The following VDAC1 variants were observed in gnomAD, a reference collection of about 807,000 sequenced individuals.
The protein encoded by VDAC1 is non-selective voltage-gated ion channel VDAC1.
In VDAC1, 10 loss-of-function variants were observed where a neutral mutation model predicts 34.7. The ratio of observed to expected loss-of-function variants is 0.29; its 90% CI spans 0.18 to 0.49. The LOEUF (loss-of-function observed/expected upper bound fraction) is 0.49. Among genes scored for constraint, VDAC1 ranks in the 20% least tolerant of loss-of-function variants. The pLI is 0.99. For synonymous variants in VDAC1, 130 were observed against 136.0 expected, an observed-to-expected ratio of 0.96 and a Z score of 0.30; for missense variants, 230 against 347.9, an observed-to-expected ratio of 0.66 and a Z score of 2.69.
the VDAC1 span, among the ~76,000 whole-genome samples, chr5:134,083,253 A>C: frequency 6.7e-6 from 1 of 149,832 alleles, no homozygotes; most frequent in African/African-American, 2.5e-5. Flanking sequence ...CAGTGGCACA[A>C]TCTCAGCTCA....
the VDAC1 span, among the ~76,000 whole-genome samples, chr5:134,054,607 C>T: frequency 6.6e-6 from 1 of 151,926 alleles, no homozygotes; most frequent in Non-Finnish European, 1.5e-5. Context: ...TTACAGGCGC[C>T]CATCGTCATG....
At chr5:134,101,376 G>A in the VDAC1 span, among the ~76,000 whole-genome samples, 1 of 152,086 alleles carries the variant, frequency 6.6e-6, no homozygotes, top group Admixed American at 6.5e-5. Flanking sequence ...GATCACCCGA[G>A]GTCAGTAGTT....
the VDAC1 span, among the ~76,000 whole-genome samples, chr5:134,016,683 G>C: frequency 6.6e-6 from 1 of 152,192 alleles, no homozygotes; most frequent in Non-Finnish European, 1.5e-5. Context: ...TGCAAGGACA[G>C]GGAGCATGAA....
the VDAC1 span, among the ~76,000 whole-genome samples, chr5:134,093,671 C>A: frequency 6.6e-6 from 1 of 152,190 alleles, no homozygotes. Flanking sequence ...GAGAAGCATT[C>A]CAGATCTTCC....
At chr5:134,107,511 G>A in the VDAC1 span, among the ~76,000 whole-genome samples, 9 of 152,252 alleles carry the variant, frequency 5.9e-5, no homozygotes, top group Non-Finnish European at 1.3e-4. Context: ...CCATCTCTTG[G>A]CAAGAGGAGT....
the VDAC1 span, among the ~76,000 whole-genome samples, chr5:134,066,018 C>T: frequency 7.2e-5 from 11 of 152,226 alleles, no homozygotes; most frequent in East Asian, 1.9e-3. Context: ...TGGTCTCGAA[C>T]TCCTGACCTC....
chr5:134,056,847 G>A, the VDAC1 span, among the ~76,000 whole-genome samples: 12 of 151,980 alleles, frequency 7.9e-5, no homozygotes, highest in African/African-American at 2.9e-4. Context: ...CACCACGCCC[G>A]GCTAATTTTG....
chr5:134,074,580 A>G, the VDAC1 span, among the ~76,000 whole-genome samples: 1 of 151,916 alleles, frequency 6.6e-6, no homozygotes, highest in East Asian at 1.9e-4. Context: ...AGCAGCTTAC[A>G]GGCCACCAGT....
chr5:134,004,422 TCGCG>T (rs1267418784), intron 1 of VDAC1: 1 of 151,918 alleles, frequency 6.6e-6, no homozygotes, highest in Non-Finnish European at 1.5e-5. Context: ...ACCCTCGGCC[TCGCG>T]CTCCCCAGCC....
chr5:134,088,487 G>C, the VDAC1 span, among the ~76,000 whole-genome samples: 1 of 152,236 alleles, frequency 6.6e-6, no homozygotes, highest in African/African-American at 2.4e-5. Context: ...GGAGGCAAGG[G>C]AGAGCATTCC....
chr5:133,976,054 C>CCCA (rs1752468993), intron 6 of VDAC1, 33 bp from the exon 7 acceptor site: 1 of 1,613,340 alleles, frequency 6.2e-7, no homozygotes, highest in Non-Finnish European at 8.5e-7. Flanking sequence ...TGCTGAGCTT[C>CCCA]CCAGGGAGGT....
chr5:134,086,608 C>T, the VDAC1 span, among the ~76,000 whole-genome samples: 1 of 152,240 alleles, frequency 6.6e-6, no homozygotes, highest in African/African-American at 2.4e-5. Flanking sequence ...CCATTTTCCT[C>T]CTGTCCCAGG....
At chr5:134,097,461 C>G in the VDAC1 span, among the ~76,000 whole-genome samples, 1 of 152,196 alleles carries the variant, frequency 6.6e-6, no homozygotes, top group Non-Finnish European at 1.5e-5. Context: ...AGAACTTCAT[C>G]CAGAACAGCC....
chr5:134,112,285 C>T, the VDAC1 span, among the ~76,000 whole-genome samples: 2 of 152,230 alleles, frequency 1.3e-5, no homozygotes, highest in Admixed American at 6.5e-5. Flanking sequence ...GCACCTAAAT[C>T]GGCTCTAATA....
the VDAC1 span, among the ~76,000 whole-genome samples, chr5:134,106,082 G>A: frequency 6.6e-6 from 1 of 152,190 alleles, no homozygotes; most frequent in African/African-American, 2.4e-5. Flanking sequence ...AGGCAGGCCC[G>A]AGTGGTGGAG....
the VDAC1 span, among the ~76,000 whole-genome samples, chr5:134,035,226 C>A: frequency 1.3e-5 from 2 of 152,044 alleles, no homozygotes. Flanking sequence ...AAGTAATAAG[C>A]CAAATCTGGG....
the VDAC1 span, among the ~76,000 whole-genome samples, chr5:134,101,345 T>C: frequency 6.6e-6 from 1 of 152,094 alleles, no homozygotes. Context: ...ATCCCAGCAC[T>C]TTGGGAGGCC....
At chr5:134,094,759 G>C in the VDAC1 span, among the ~76,000 whole-genome samples, 2 of 151,162 alleles carry the variant, frequency 1.3e-5, no homozygotes, top group African/African-American at 4.9e-5. Context: ...GCTCCCCAGT[G>C]AGAGGCCCTA....
chr5:134,055,905 A>G, the VDAC1 span, among the ~76,000 whole-genome samples: 6 of 151,714 alleles, frequency 4.0e-5, no homozygotes, highest in African/African-American at 1.5e-4. Context: ...ACATGCATTC[A>G]CACACAGAGA....
Sources: allele counts gnomAD v4.1 joint callset (sites outside exome capture counted in the v4.1 genomes callset), GRCh38; gene constraint gnomAD v4.1.1; transcripts MANE v1.5; gene names NCBI Gene and HGNC (gene_info 2026-07-23, HGNC 2026-07-21).